Variants in PPA2 observed in about 807,000 individuals in gnomAD.
PPA2 encodes inorganic pyrophosphatase 2.
A neutral mutation model predicts 49.5 loss-of-function variants in PPA2; 48 were observed. The observed-to-expected ratio is 0.97, with a 90% CI of 0.77 to 1.23. PPA2 has a LOEUF of 1.23. PPA2 is among the 50% of genes most tolerant of loss of function. The pLI is 0.00. For synonymous variants in PPA2, 131 were observed against 139.9 expected, an observed-to-expected ratio of 0.94 and a Z score of 0.45; for missense variants, 429 against 410.1, an observed-to-expected ratio of 1.05 and a Z score of -0.40.
chr4:105,470,977 C>G (rs1192531387), intron 1 of PPA2, among the ~76,000 whole-genome samples: 1 of 152,180 alleles, frequency 6.6e-6, no homozygotes, highest in Non-Finnish European at 1.5e-5. Flanking sequence ...AAGATGTTAA[C>G]AAATGTTCTG....
intron 10 of PPA2, among the ~76,000 whole-genome samples, chr4:105,382,050 T>G (rs1733510735): frequency 6.6e-6 from 1 of 152,032 alleles, no homozygotes; most frequent in Non-Finnish European, 1.5e-5. Context: ...TCTCAAGAAC[T>G]ATTTTTGCTG....
At chr4:105,409,745 G>C (rs982932158) in intron 7 of PPA2, among the ~76,000 whole-genome samples, 1 of 152,220 alleles carries the variant, frequency 6.6e-6, no homozygotes, top group Admixed American at 6.5e-5. Flanking sequence ...CTGTTCTGCA[G>C]CCTCTGCTGG....
At chr4:105,449,470 C>A in intron 3 of PPA2, 67 bp from the exon 4 acceptor site, 3 of 991,938 alleles carry the variant, frequency 3.0e-6, no homozygotes, top group Non-Finnish European at 4.6e-6. Flanking sequence ...CCGTTACCTC[C>A]CTTATAAGAA....
intron 9 of PPA2, among the ~76,000 whole-genome samples, chr4:105,395,007 A>G (rs956012956): frequency 4.6e-5 from 7 of 152,128 alleles, no homozygotes; most frequent in African/African-American, 1.7e-4. Flanking sequence ...ACATTCAATC[A>G]TATCCAGCTT....
At chr4:105,454,456 G>A (rs1323877102) in intron 2 of PPA2, among the ~76,000 whole-genome samples, 3 of 151,822 alleles carry the variant, frequency 2.0e-5, no homozygotes, top group Admixed American at 6.6e-5. Context: ...TCAGCCTCCC[G>A]AGTAGCTGGG....
intron 10 of PPA2, 91 bp from the exon 11 acceptor site, chr4:105,370,964 G>A (rs2726526): frequency 1.6e-6 from 2 of 1,249,094 alleles, no homozygotes; most frequent in Admixed American, 3.7e-5. Flanking sequence ...AATTATAGAA[G>A]AAAGTTTACA....
In PPA2 at chr4:105,369,689, A is replaced by C. The variant is rs778550548; in HGVS notation, c.*36T>G. On this transcript the variant is annotated 3_prime_UTR_variant, in exon 12 of 12. Coordinates refer to ENST00000341695, the MANE Select transcript of PPA2 (RefSeq NM_176869.3). ...TCTCTAGCACTTGGAGTCCTTAGAGATGGGAATCTTGACAGCAGAATTTCA... is the reference window on the plus strand; with the variant it reads ...TCTCTAGCACTTGGAGTCCTTAGAGCTGGGAATCTTGACAGCAGAATTTCA... 3.0e-6 allele frequency: 4 copies of C among 1,323,224 alleles called. No individual in the cohort carries two copies. 82.0% of individuals were successfully genotyped at this position (1,323,224 alleles called of 1,614,324 possible).
At chr4:105,383,035 G>A (rs1478668020) in intron 10 of PPA2, among the ~76,000 whole-genome samples, 2 of 152,070 alleles carry the variant, frequency 1.3e-5, no homozygotes, top group African/African-American at 4.8e-5. Flanking sequence ...GAGTGGTCCT[G>A]CAGTTGAACT....
chr4:105,465,664 G>C (rs537822009), intron 1 of PPA2, among the ~76,000 whole-genome samples: 2 of 152,224 alleles, frequency 1.3e-5, no homozygotes, highest in African/African-American at 4.8e-5. Flanking sequence ...GAAAATTCTA[G>C]GAGGAAAACT....
intron 6 of PPA2, 45 bp from the exon 7 acceptor site, chr4:105,424,367 T>C (rs776452949): frequency 9.7e-5 from 145 of 1,493,248 alleles, no homozygotes; most frequent in Non-Finnish European, 1.2e-4. Context: ...CTTTGGAGAG[T>C]TTACTCACAT....
At chr4:105,424,118 A>G (rs1224637189) in intron 7 of PPA2, 78 bp downstream of exon 7, 4 of 1,442,232 alleles carry the variant, frequency 2.8e-6, no homozygotes, top group East Asian at 4.7e-5. Flanking sequence ...TAACTCCCCT[A>G]TGTGAACTTC....
chr4:105,449,303 T>C (rs1472842356), intron 4 of PPA2, 47 bp downstream of exon 4: 4 of 1,166,682 alleles, frequency 3.4e-6, no homozygotes, highest in Non-Finnish European at 4.9e-6. Context: ...CAAAGTTTTA[T>C]ATCATTATAA....
chr4:105,398,410 T>G (rs959487793), intron 8 of PPA2: 2 of 152,190 alleles, frequency 1.3e-5, no homozygotes, highest in African/African-American at 2.4e-5. Flanking sequence ...CATGCCTTAT[T>G]TCACTTATAA....
At chr4:105,473,548 C>T (rs73836266) in intron 1 of PPA2, 6 of 520,622 alleles carry the variant, frequency 1.2e-5, no homozygotes, top group Admixed American at 2.3e-5. Flanking sequence ...GAACGGCGGC[C>T]GGGCCGGCTA....
intron 1 of PPA2, among the ~76,000 whole-genome samples, chr4:105,472,950 C>G (rs944425070): frequency 6.6e-6 from 1 of 152,164 alleles, no homozygotes; most frequent in Non-Finnish European, 1.5e-5. Flanking sequence ...GCAACTTAAA[C>G]TCGTCCGGGG....
intron 1 of PPA2, 162 bp downstream of exon 1, chr4:105,473,732 G>A (rs1313589267): frequency 9.2e-7 from 1 of 1,084,588 alleles, no homozygotes; most frequent in South Asian, 1.3e-5. Context: ...GACTCGGTGC[G>A]CGCTCCCGCG....
At chr4:105,410,228 T>C (rs868849457) in intron 7 of PPA2, among the ~76,000 whole-genome samples, 1 of 152,198 alleles carries the variant, frequency 6.6e-6, no homozygotes, top group African/African-American at 2.4e-5. Context: ...AATGACCTGA[T>C]GGAGCTGAAA....
At chr4:105,417,964 C>T (rs1723086642) in intron 7 of PPA2, among the ~76,000 whole-genome samples, 1 of 152,170 alleles carries the variant, frequency 6.6e-6, no homozygotes, top group Non-Finnish European at 1.5e-5. Context: ...AGTTACTAAC[C>T]ATGCCCCATG....
At chr4:105,453,017 G>A (rs894741638) in intron 3 of PPA2, among the ~76,000 whole-genome samples, 2 of 152,030 alleles carry the variant, frequency 1.3e-5, no homozygotes, top group African/African-American at 4.8e-5. Flanking sequence ...TTCTAAAACA[G>A]CCTCTCAAAC....
Sources: allele counts gnomAD v4.1 joint callset (sites outside exome capture counted in the v4.1 genomes callset), GRCh38; gene constraint gnomAD v4.1.1; transcripts MANE v1.5; gene names NCBI Gene and HGNC (gene_info 2026-07-23, HGNC 2026-07-21).